The following MBD5 variants were observed in gnomAD, a reference collection of about 807,000 sequenced individuals.
MBD5 encodes the protein methyl-CpG binding domain protein 5, also known as methyl-CpG-binding domain protein 5.
A neutral mutation model predicts 117.3 loss-of-function variants in MBD5; 13 were observed. That is an observed-to-expected ratio of 0.11 (90% CI 0.07 to 0.18). The LOEUF (loss-of-function observed/expected upper bound fraction) is 0.18. MBD5 is among the 10% of genes least tolerant of loss of function. The pLI, the probability that MBD5 is intolerant of heterozygous loss-of-function variation, is 1.00. For missense variants in MBD5, 1,879 were observed against 2,093.8 expected, an observed-to-expected ratio of 0.90 and a Z score of 2.00; for synonymous variants, 727 against 766.4, an observed-to-expected ratio of 0.95 and a Z score of 0.85.
intron 5 of MBD5, among the ~76,000 whole-genome samples, chr2:148,459,427 A>G (rs1706994203): frequency 1.3e-5 from 2 of 152,092 alleles, no homozygotes; most frequent in South Asian, 4.1e-4. Context: ...TAAAATGCCT[A>G]CTCTTTTCAA....
chr2:148,085,002 G>C (rs575109177), intron 1 of MBD5, among the ~76,000 whole-genome samples: 2 of 152,154 alleles, frequency 1.3e-5, no homozygotes, highest in Admixed American at 6.5e-5. Context: ...TCACCAAAGG[G>C]GTTAGTAGGA....
chr2:148,161,719 A>G (rs1013483320), intron 1 of MBD5, among the ~76,000 whole-genome samples: 3 of 151,900 alleles, frequency 2.0e-5, no homozygotes, highest in Non-Finnish European at 4.4e-5. Context: ...TTATTTCTTG[A>G]AAGAGTCAGA....
rs928380811 is a variant in MBD5 at position 148,206,059 on chromosome 2, G to C, written c.-830-27186G>C. Among the ~76,000 whole-genome samples the C allele has an allele frequency of 1.1e-4, 17 of 151,568 alleles. 1 individual carries two copies. The highest frequency in any genetic ancestry group is 2.0e-4 in the Admixed American group (3 of 15,206). ...GATTGATTGAGCCTGTGAAGTGGAG[G>C]TTGCAGCAAGCCGAGATCGCGTCAC... On this transcript the variant is annotated intron_variant, in intron 2 of 13. Coordinates refer to ENST00000642680, the MANE Select transcript of MBD5 (RefSeq NM_001378120.1).
rs147744781 is a variant in MBD5 at position 148,490,369 on chromosome 2, T to C, written c.4737T>C (p.Asn1579=). ...YNGDFNAKSV[N]GCVPSPSDAK... ...GAGACTTTAATGCCAAAAGCGTTAA[T>C]GGGTGTGTGCCTAGCCCTTCAGATG... is the stretch of plus-strand genomic sequence containing the variant. The change falls in exon 11 of 14, where the codon AAT becomes AAC. Residue 1579 remains asparagine, a synonymous_variant. Coordinates refer to ENST00000642680, the MANE Select transcript of MBD5 (RefSeq NM_001378120.1). 29 of 1,614,188 alleles carry C rather than the reference T, an allele frequency of 1.8e-5. No homozygotes were observed. The highest frequency in any genetic ancestry group is 1.7e-4 in the African/African-American group (13 of 75,040).
rs866560616 is a variant in MBD5, at chr2:148,319,917, A to G, written c.-679-22297A>G. Among the ~76,000 whole-genome samples, 16 of 152,002 alleles carry G rather than the reference A, an allele frequency of 1.1e-4. 1 individual carries two copies. The highest frequency in any genetic ancestry group is 7.9e-4 in the Admixed American group (12 of 15,256). On this transcript the variant is annotated intron_variant, in intron 3 of 13. Transcript: ENST00000642680. Reference sequence around the variant, plus strand: ...GTCATATATGGCCTTTGTTATTTGGAAGTGTGTTTCTTCTATGCCTAGTTT... The same window carrying G: ...GTCATATATGGCCTTTGTTATTTGGGAGTGTGTTTCTTCTATGCCTAGTTT...
intron 4 of MBD5, among the ~76,000 whole-genome samples, chr2:148,445,528 G>C (rs1413418928): frequency 1.3e-5 from 2 of 151,322 alleles, no homozygotes; most frequent in East Asian, 3.8e-4. Flanking sequence ...TCTTAATCCA[G>C]TCTATCATTG....
chr2:148,437,995 A>G (rs187210807), intron 4 of MBD5, among the ~76,000 whole-genome samples: 1 of 152,294 alleles, frequency 6.6e-6, no homozygotes, highest in Admixed American at 6.5e-5. Context: ...TTTACTGAGG[A>G]AGTTTCAACA....
At chr2:148,245,045 A>G (rs1269915864) in intron 3 of MBD5, among the ~76,000 whole-genome samples, 3 of 152,180 alleles carry the variant, frequency 2.0e-5, no homozygotes, top group Non-Finnish European at 4.4e-5. Flanking sequence ...TAACAGAGTT[A>G]GTTAAGGAAG....
chr2:148,231,082 C>G (rs1200471704), intron 2 of MBD5, among the ~76,000 whole-genome samples: 1 of 152,186 alleles, frequency 6.6e-6, no homozygotes, highest in Non-Finnish European at 1.5e-5. Context: ...CCCCCCTCCT[C>G]CAGTCCACTG....
At position 148,198,440 on chromosome 2, in the gene MBD5, A is replaced by T. The variant is rs142908740; in HGVS notation, c.-831+19647A>T. 2.0e-5 allele frequency among the ~76,000 whole-genome samples: 3 copies of T among 152,290 alleles called. No homozygotes were observed. The South Asian group carries it at 6.2e-4, about 32-fold the overall frequency. On this transcript the variant is annotated intron_variant, in intron 2 of 13. Transcript: ENST00000642680. ...GTTGTTACAAGGAGTAAAGGAAATA[A>T]TGTACATAAAGCATTTGGTGAGGTT...
intron 3 of MBD5, among the ~76,000 whole-genome samples, chr2:148,328,378 G>T (rs1240221555): frequency 6.6e-6 from 1 of 152,208 alleles, no homozygotes; most frequent in Non-Finnish European, 1.5e-5. Flanking sequence ...CCCAGTTGGA[G>T]CTTCCCAGCT....
chr2:148,151,308 G>A (rs1697656314), intron 1 of MBD5, among the ~76,000 whole-genome samples: 1 of 151,722 alleles, frequency 6.6e-6, no homozygotes, highest in South Asian at 2.1e-4. Flanking sequence ...GATCATGGTG[G>A]ATAAGCTTTT....
chr2:148,146,483 T>C (rs1431907693), intron 1 of MBD5, among the ~76,000 whole-genome samples: 1 of 152,112 alleles, frequency 6.6e-6, no homozygotes, highest in African/African-American at 2.4e-5. Flanking sequence ...GTGACCCACC[T>C]GCCTCAGCCT....
intron 4 of MBD5, among the ~76,000 whole-genome samples, chr2:148,412,909 A>T (rs758665872): frequency 2.6e-5 from 4 of 152,026 alleles, no homozygotes; most frequent in Non-Finnish European, 5.9e-5. Flanking sequence ...CTGCAAACAG[A>T]TGGTTTGGCT....
chr2:148,449,641 T>C (rs112238605), intron 4 of MBD5, among the ~76,000 whole-genome samples: 3 of 152,064 alleles, frequency 2.0e-5, no homozygotes, highest in African/African-American at 7.2e-5. Context: ...ATCTAAAGGA[T>C]AGCCTTAATT....
At chr2:148,348,193 G>A (rs1703168284) in intron 4 of MBD5, among the ~76,000 whole-genome samples, 1 of 151,942 alleles carries the variant, frequency 6.6e-6, no homozygotes, top group African/African-American at 2.4e-5. Flanking sequence ...ACTCTCTTAT[G>A]CCCTTGTATC....
intron 4 of MBD5, among the ~76,000 whole-genome samples, chr2:148,398,594 C>T (rs961142454): frequency 1.3e-5 from 2 of 152,096 alleles, no homozygotes; most frequent in African/African-American, 2.4e-5. Flanking sequence ...TTCTCCCATT[C>T]TGTAGGTTGC....
At chr2:148,059,092 A>G (rs529270249) in intron 1 of MBD5, among the ~76,000 whole-genome samples, 57 of 152,368 alleles carry the variant, frequency 3.7e-4, no homozygotes, top group Admixed American at 2.4e-3. Flanking sequence ...ACAACAGAAC[A>G]AAGACTTCTA....
intron 7 of MBD5, among the ~76,000 whole-genome samples, chr2:148,466,334 T>G (rs1489346154): frequency 6.6e-6 from 1 of 152,184 alleles, no homozygotes; most frequent in Non-Finnish European, 1.5e-5. Flanking sequence ...CTTTTGTTTA[T>G]TTTGTATTTC....
Sources: allele counts gnomAD v4.1 joint callset (sites outside exome capture counted in the v4.1 genomes callset), GRCh38; gene constraint gnomAD v4.1.1; transcripts MANE v1.5; gene names NCBI Gene and HGNC (gene_info 2026-07-23, HGNC 2026-07-21).